The following RPS24 variants were observed in gnomAD, a reference collection of about 807,000 sequenced individuals.
The protein encoded by RPS24 is ribosomal protein S24.
For synonymous variants in RPS24, 72 were observed against 55.6 expected (o/e 1.30, Z -1.31); for missense variants, 100 against 162.5 (o/e 0.62, Z 2.09).
rs189856690 is a variant in RPS24, at chr10:78,053,676, G to T, written c.391-855G>T. Among the ~76,000 whole-genome samples, 208 of 152,252 alleles carry T rather than the reference G, an allele frequency of 1.4e-3. 1 individual carries two copies. Among genetic ancestry groups the T allele is most frequent in the African/African-American group, 4.8e-3 (201 of 41,536 alleles). ...AATGGCAGAGCAGGAGCGGGCCGGG[G>T]ATGGGGGAACGTCTGCACCACAGCC... is the stretch of plus-strand genomic sequence containing the variant. On this transcript the variant is annotated intron_variant, in intron 4 of 4. Coordinates refer to the RPS24 transcript ENST00000440692.
chr10:78,041,835 T>C (rs149684244), downstream of RPS24, among the ~76,000 whole-genome samples: 524 of 152,234 alleles, frequency 3.4e-3, no homozygotes, highest in African/African-American at 0.012. Context: ...TAGTTTCTGA[T>C]GTGAAGAAAA....
At chr10:78,040,735 G>T (rs1023986512), downstream of RPS24, 2 of 1,458,676 alleles carry the variant, frequency 1.4e-6, no homozygotes, top group Admixed American at 1.7e-5. Flanking sequence ...CAGTTTCCTG[G>T]GACTGCTAGG....
At chr10:78,053,426 G>A (rs939436167) in intron 4 of RPS24, among the ~76,000 whole-genome samples, 1 of 152,100 alleles carries the variant, frequency 6.6e-6, no homozygotes, top group Non-Finnish European at 1.5e-5. Flanking sequence ...CACGCAGCTG[G>A]GATCTCTCCC....
Position 78,035,583 on chromosome 10 carries a change from T to C in RPS24, c.142T>C (p.Tyr48His), listed in dbSNP as rs1305214591. 1 of 1,613,944 alleles carries C rather than the reference T, an allele frequency of 6.2e-7. No homozygotes were observed. Among genetic ancestry groups the C allele is most frequent in the South Asian group, 1.1e-5 (1 of 91,084 alleles). The part of the protein sequence containing the change: ...TEIREKLAKM[Y>H]KTTPDVIFVF... ...AATTCGGGAAAAACTAGCCAAAATGTACAAGACCACACCGGATGTCATCTT... is the reference window on the plus strand; with the variant it reads ...AATTCGGGAAAAACTAGCCAAAATGCACAAGACCACACCGGATGTCATCTT... The change falls in exon 3 of 6, where the codon TAC (tyrosine) becomes CAC (histidine). Residue 48 changes from tyrosine (Y) to histidine (H), a missense_variant. Tyr to His is a moderately conservative substitution (Grantham distance 83, BLOSUM62 2). Transcript: ENST00000372360.
At chr10:78,039,342 A>G (rs1482381545) in intron 4 of RPS24, 2 of 152,218 alleles carry the variant, frequency 1.3e-5, no homozygotes, top group Non-Finnish European at 1.5e-5. Flanking sequence ...CCTATGAGTT[A>G]GTGCCCTTAG....
intron 4 of RPS24, among the ~76,000 whole-genome samples, chr10:78,054,180 A>G (rs1487539674): frequency 6.6e-6 from 1 of 152,068 alleles, no homozygotes; most frequent in Non-Finnish European, 1.5e-5. Context: ...GGACTAGTGC[A>G]GGGAAGGAGC....
intron 1 of RPS24, chr10:78,034,232 T>G: frequency 2.2e-5 from 11 of 496,376 alleles, no homozygotes; most frequent in Non-Finnish European, 4.0e-5. Context: ...TCGTCTGCAG[T>G]TCCTCATTGG....
At chr10:78,040,997 G>A (rs1847979374), downstream of RPS24, among the ~76,000 whole-genome samples, 1 of 152,024 alleles carries the variant, frequency 6.6e-6, no homozygotes, top group South Asian at 2.1e-4. Context: ...GGAGCTCGAG[G>A]CTACAGTGAG....
chr10:78,054,782 A>C (rs1452092652), exon 5 of RPS24: 1 of 1,551,642 alleles, frequency 6.4e-7, no homozygotes, highest in Non-Finnish European at 8.7e-7. Context: ...TGGAGAGGGC[A>C]CTGGTCAGAA....
intron 5 of RPS24, 57 bp from the exon 6 acceptor site, chr10:78,040,558 G>C (rs1847970974): frequency 7.7e-7 from 1 of 1,295,078 alleles, no homozygotes; most frequent in Non-Finnish European, 1.1e-6. Flanking sequence ...TGGAATTGAA[G>C]ACTTTAAAGA....
At chr10:78,040,034 G>A in intron 4 of RPS24, 170 bp from the exon 5 acceptor site, 1 of 704,918 alleles carries the variant, frequency 1.4e-6, no homozygotes, top group Non-Finnish European at 2.6e-6. Flanking sequence ...TAAAATCAGT[G>A]AGTCTGGAAG....
chr10:78,041,982 G>T (rs1479068293), downstream of RPS24, among the ~76,000 whole-genome samples: 1 of 152,226 alleles, frequency 6.6e-6, no homozygotes, highest in Non-Finnish European at 1.5e-5. Flanking sequence ...GAGGTGGGAT[G>T]AAACTCAGGC....
Position 78,040,217 on chromosome 10 carries a change from G to A in RPS24, c.*11G>A, listed in dbSNP as rs139289215. On this transcript the variant is annotated 3_prime_UTR_variant, in exon 5 of 6. Coordinates refer to ENST00000372360, the MANE Select transcript of RPS24 (RefSeq NM_033022.4). ...CCACTGATTCAGTGAGCTGGAGATT[G>A]GATCACAGGTATAATTCAAGCTTTT... 5.6e-4 allele frequency: 902 copies of A among 1,613,480 alleles called. 2 individuals carry two copies. In the African/African-American group the frequency reaches 0.011, roughly 20 times the overall value.
At chr10:78,052,808 G>A (rs1171600803) in intron 4 of RPS24, among the ~76,000 whole-genome samples, 1 of 152,182 alleles carries the variant, frequency 6.6e-6, no homozygotes, top group African/African-American at 2.4e-5. Flanking sequence ...GGAGTGTGGA[G>A]TGTGAAGCAT....
chr10:78,055,110 CA>C lies in RPS24; in HGVS notation c.*101del, dbSNP rs1163989263. The C allele has an allele frequency of 1.8e-5, 26 of 1,433,538 alleles. No homozygotes were observed. In the South Asian group the frequency reaches 3.5e-4, roughly 19 times the overall value. 88.8% of individuals were successfully genotyped at this position (1,433,538 alleles called of 1,614,324 possible). A position where few individuals can be genotyped will look rare whatever the true frequency, so the allele number is the denominator to read the frequency against. ...AGCAGGGCACTGTGGAAATCGGAGT[CA>C]CATGAGCTGGCACCTCTGTTCAGAA... On this transcript the variant is annotated 3_prime_UTR_variant, in exon 5 of 5. Coordinates refer to the RPS24 transcript ENST00000440692.
chr10:78,034,308 C>A, intron 1 of RPS24: 3 of 302,694 alleles, frequency 9.9e-6, no homozygotes, highest in South Asian at 4.8e-5. Context: ...AGCGCCTGGG[C>A]GAGTTGCGGC....
downstream of RPS24, among the ~76,000 whole-genome samples, chr10:78,044,016 C>T (rs1451595409): frequency 2.0e-5 from 3 of 152,044 alleles, no homozygotes; most frequent in Admixed American, 1.3e-4. Context: ...AATACATGTA[C>T]GTATTCAGAG....
At chr10:78,039,756 A>T (rs1471718357) in intron 4 of RPS24, 3 of 181,558 alleles carry the variant, frequency 1.7e-5, no homozygotes, top group African/African-American at 7.1e-5. Context: ...CTTTTAAAAG[A>T]CTTGCCTGAT....
chr10:78,044,342 AAG>A (rs1564631498), downstream of RPS24, among the ~76,000 whole-genome samples: 2 of 152,090 alleles, frequency 1.3e-5, no homozygotes, highest in Admixed American at 1.3e-4. Flanking sequence ...CTGCAAGGGG[AAG>A]AGAGGATGAC....
Sources: allele counts gnomAD v4.1 joint callset (sites outside exome capture counted in the v4.1 genomes callset), GRCh38; gene constraint gnomAD v4.1.1; transcripts MANE v1.5; gene names NCBI Gene and HGNC (gene_info 2026-07-23, HGNC 2026-07-21).